Variants in ERC2 observed in about 807,000 individuals in gnomAD.
ERC2 encodes ERC protein 2.
Under a neutral mutation model 114.8 loss-of-function variants are expected in ERC2, and 42 were observed. The observed-to-expected ratio is 0.37, with a 90% confidence interval of 0.29 to 0.47. ERC2 has a LOEUF of 0.47. Ranked by LOEUF, ERC2 falls within the 20% of genes least tolerant of loss-of-function variation. The pLI is 0.99. For missense variants in ERC2, 939 were observed against 1,150.7 expected (o/e 0.82, Z 2.66); for synonymous variants, 454 against 425.5 (o/e 1.07, Z -0.82).
intron 2 of ERC2, among the ~76,000 whole-genome samples, chr3:56,410,470 A>T (rs1448502865): frequency 6.6e-6 from 1 of 152,238 alleles, no homozygotes; most frequent in Non-Finnish European, 1.5e-5. Context: ...CGTGCTAAGC[A>T]CTCTGCTTAT....
At chr3:56,374,263 A>AT (rs1218648433) in intron 2 of ERC2, among the ~76,000 whole-genome samples, 2 of 151,898 alleles carry the variant, frequency 1.3e-5, no homozygotes, top group South Asian at 2.1e-4. Flanking sequence ...CGCCCAGCTA[A>AT]TTTTTTTGTA....
chr3:55,709,207 T>C (rs1328843651), intron 15 of ERC2, among the ~76,000 whole-genome samples: 1 of 152,036 alleles, frequency 6.6e-6, no homozygotes, highest in South Asian at 2.1e-4. Flanking sequence ...TCTAGGAGAA[T>C]GTGAGGTTGA....
intron 17 of ERC2, among the ~76,000 whole-genome samples, chr3:55,630,859 G>A (rs1160834899): frequency 6.6e-6 from 1 of 152,164 alleles, no homozygotes; most frequent in Admixed American, 6.5e-5. Context: ...CAGAGTATCC[G>A]GGCTGTGATC....
At chr3:56,154,490 A>G (rs2081590377) in intron 4 of ERC2, among the ~76,000 whole-genome samples, 1 of 152,084 alleles carries the variant, frequency 6.6e-6, no homozygotes, top group African/African-American at 2.4e-5. Context: ...ATGCCCTTGG[A>G]ACACATCCTT....
chr3:56,414,668 T>C (rs1048558020), intron 2 of ERC2, among the ~76,000 whole-genome samples: 1 of 149,342 alleles, frequency 6.7e-6, no homozygotes, highest in African/African-American at 2.5e-5. Flanking sequence ...GAGGTTGCAG[T>C]GAGCTGAGAT....
rs569372455 is a variant in ERC2 at position 56,141,914 on chromosome 3, C to T, written c.1306-2238G>A. On this transcript the variant is annotated intron_variant, in intron 5 of 17. Transcript: ENST00000288221. ...TATAATTTTCCTATCCTATGCTGTC[C>T]TTGTCAGGTTTTAATATCAATATAG... is the stretch of plus-strand genomic sequence containing the variant. Among the ~76,000 whole-genome samples, 6 of 152,172 alleles carry T rather than the reference C, an allele frequency of 3.9e-5. No homozygotes were observed. In the South Asian group the frequency reaches 1.0e-3, roughly 26 times the overall value.
chr3:56,434,911 T>A lies in ERC2; in HGVS notation c.97A>T (p.Ser33Cys), dbSNP rs1379216955. The A allele has an allele frequency of 6.2e-7, 1 of 1,613,730 alleles. No individual in the cohort carries two copies. The change falls in exon 2 of 18, where the codon AGT becomes TGT. Residue 33 changes from serine (S) to cysteine (C), a missense_variant. Physicochemically the swap from Ser to Cys is moderately radical, Grantham distance 112. This residue lies in a region of ERC2 where 281 missense variants were observed against 307.4 expected (regional missense o/e 0.91). Coordinates refer to ENST00000288221, the MANE Select transcript of ERC2 (RefSeq NM_015576.3). ...CCTGTTCCTCCACCTCCCCCACTAC[T>A]TGTTCTTCGGTGGCCCAAACGAGGA... is the stretch of plus-strand genomic sequence containing the variant. Reference protein sequence around the residue: ...RSPRLGHRRTSSGGGGGTGKT... With the variant: ...RSPRLGHRRTCSGGGGGTGKT...
At chr3:55,540,184 A>C (rs1338193478) in intron 17 of ERC2, among the ~76,000 whole-genome samples, 1 of 152,222 alleles carries the variant, frequency 6.6e-6, no homozygotes, top group African/African-American at 2.4e-5. Context: ...CCTACCTGAC[A>C]ATACAGACTA....
At chr3:56,201,547 C>T (rs551867464) in intron 3 of ERC2, among the ~76,000 whole-genome samples, 5 of 152,150 alleles carry the variant, frequency 3.3e-5, no homozygotes, top group Non-Finnish European at 7.4e-5. Context: ...CTAAGAATCT[C>T]ATTAAAATAT....
At chr3:55,786,104 A>G (rs1265912967) in intron 14 of ERC2, among the ~76,000 whole-genome samples, 1 of 152,124 alleles carries the variant, frequency 6.6e-6, no homozygotes, top group African/African-American at 2.4e-5. Flanking sequence ...ATAGTATGTC[A>G]CACATAGCTT....
chr3:55,620,689 C>T (rs1450227343), intron 17 of ERC2, among the ~76,000 whole-genome samples: 1 of 152,066 alleles, frequency 6.6e-6, no homozygotes, highest in Non-Finnish European at 1.5e-5. Context: ...TGGCTTTTAC[C>T]GACTCTGAAA....
chr3:55,628,716 G>A (rs2059622637), intron 17 of ERC2, among the ~76,000 whole-genome samples: 1 of 152,192 alleles, frequency 6.6e-6, no homozygotes, highest in Non-Finnish European at 1.5e-5. Flanking sequence ...AAAAGCGGAA[G>A]GCTTCTAGAT....
Position 56,434,609 on chromosome 3 carries a change from G to T in ERC2, c.399C>A (p.His133Gln). 6.2e-7 allele frequency: 1 copy of T among 1,613,934 alleles called. No homozygotes were observed. The highest frequency in any genetic ancestry group is 8.5e-7 in the Non-Finnish European group (1 of 1,179,886). The change falls in exon 2 of 18, where the codon CAC (histidine) becomes CAA (glutamine). Residue 133 changes from histidine (H) to glutamine (Q), a missense_variant. Physicochemically the swap from His to Gln is conservative, Grantham distance 24. Transcript: ENST00000288221. ...CCTGCCTCAACATGGAGGGGACCTGGTGGTGGTGATGATGGGATGAGCCAG... is the reference window on the plus strand; with the variant it reads ...CCTGCCTCAACATGGAGGGGACCTGTTGGTGGTGATGATGGGATGAGCCAG... ...GLTGSSHHHH[H>Q]QVPSMLRQVR...
intron 14 of ERC2, among the ~76,000 whole-genome samples, chr3:55,855,405 A>T (rs371398288): frequency 2.0e-5 from 3 of 152,386 alleles, no homozygotes; most frequent in African/African-American, 7.2e-5. Flanking sequence ...CCAAACATAC[A>T]GTATTTATAT....
At chr3:55,983,544 C>T (rs1005099935) in intron 12 of ERC2, among the ~76,000 whole-genome samples, 12 of 151,932 alleles carry the variant, frequency 7.9e-5, no homozygotes, top group Non-Finnish European at 2.9e-5. Context: ...TATCTGTCCA[C>T]CTGAATTTAA....
intron 10 of ERC2, chr3:56,003,076 G>A (rs1414146687): frequency 3.1e-6 from 4 of 1,287,892 alleles, no homozygotes; most frequent in Non-Finnish European, 4.1e-6. Flanking sequence ...ATGTTACAGC[G>A]GGAACTTTCA....
chr3:55,815,132 T>C (rs1374173733), intron 14 of ERC2, among the ~76,000 whole-genome samples: 3 of 152,208 alleles, frequency 2.0e-5, no homozygotes, highest in African/African-American at 7.2e-5. Context: ...CAGCCACCAG[T>C]AATGCTTATT....
chr3:56,335,860 T>TGG (rs1187267248), intron 2 of ERC2, among the ~76,000 whole-genome samples: 2 of 152,120 alleles, frequency 1.3e-5, no homozygotes, highest in Non-Finnish European at 2.9e-5. Context: ...GTGTGCCAAG[T>TGG]GTGCGGGACT....
intron 12 of ERC2, among the ~76,000 whole-genome samples, chr3:55,967,308 ACAC>A (rs1324993426): frequency 2.0e-5 from 3 of 152,198 alleles, no homozygotes; most frequent in Non-Finnish European, 4.4e-5. Context: ...TTTAAGAAAA[ACAC>A]CAACACTAAT....
Sources: gnomAD v4.1 joint callset for allele counts (sites outside exome capture counted in the v4.1 genomes callset) on GRCh38, gnomAD v4.1.1 for gene constraint, gnomAD v4.1.1 regional missense constraint, MANE v1.5 for transcripts, NCBI Gene and HGNC (gene_info 2026-07-23, HGNC 2026-07-21) for gene names.